Variants in MAP3K21 observed in about 807,000 individuals in gnomAD.
MAP3K21 encodes mitogen-activated protein kinase kinase kinase 21.
Under a neutral mutation model 86.1 loss-of-function variants are expected in MAP3K21, and 63 were observed. That is an observed-to-expected ratio of 0.73 (90% confidence interval 0.60 to 0.90). MAP3K21 has a LOEUF of 0.90. Among genes scored for constraint, MAP3K21 ranks in the 40% least tolerant of loss-of-function variants. MAP3K21 has a pLI of 0.00. For missense variants in MAP3K21, 1,220 were observed against 1,367.7 expected, an observed-to-expected ratio of 0.89 and a Z score of 1.70; for synonymous variants, 558 against 564.8, an observed-to-expected ratio of 0.99 and a Z score of 0.17.
At chr1:233,335,053 A>G (rs2102758168) in intron 1 of MAP3K21, among the ~76,000 whole-genome samples, 1 of 151,938 alleles carries the variant, frequency 6.6e-6, no homozygotes, top group South Asian at 2.1e-4. Context: ...AAATTGGAAA[A>G]TATTCTCTAG....
intron 4 of MAP3K21, among the ~76,000 whole-genome samples, chr1:233,360,321 C>CT (rs1365303505): frequency 6.6e-6 from 1 of 151,812 alleles, no homozygotes; most frequent in East Asian, 1.9e-4. Flanking sequence ...ACATTTTCCC[C>CT]TTTTTTTCAA....
At chr1:233,365,825 G>A (rs1663563457) in intron 5 of MAP3K21, among the ~76,000 whole-genome samples, 1 of 152,056 alleles carries the variant, frequency 6.6e-6, no homozygotes, top group Non-Finnish European at 1.5e-5. Flanking sequence ...TATGATCCAG[G>A]AATTCCACTA....
At chr1:233,343,986 C>T (rs1663086321) in intron 1 of MAP3K21, among the ~76,000 whole-genome samples, 2 of 152,172 alleles carry the variant, frequency 1.3e-5, no homozygotes, top group Non-Finnish European at 2.9e-5. Flanking sequence ...GCATTAGAGC[C>T]TCGTGGACAA....
Position 233,328,513 on chromosome 1 carries a change from C to A in MAP3K21, c.485C>A (p.Ala162Glu). The A allele has an allele frequency of 6.6e-7, 1 of 1,524,870 alleles. No homozygotes were observed. Among genetic ancestry groups the A allele is most frequent in the East Asian group, 2.7e-5 (1 of 37,458 alleles). 94.5% of individuals were successfully genotyped at this position (1,524,870 alleles called of 1,614,324 possible). A position where few individuals can be genotyped will look rare whatever the true frequency, so the allele number is the denominator to read the frequency against. Residue 162 changes from alanine (A) to glutamate (E), a missense_variant, in exon 1 of 10, where the codon GCG becomes GAG. Coordinates refer to ENST00000366624, the MANE Select transcript of MAP3K21 (RefSeq NM_032435.3). The surrounding 1 kb of genome is among the most constrained non-coding windows in gnomAD (Gnocchi z 8.7). ...AARQDPEQDA[A>E]AAAESVRREA... ...CGCCAGGACCCGGAGCAGGACGCGG[C>A]GGCGGCTGCCGAGAGCGTGCGGCGC...
intron 8 of MAP3K21, 99 bp downstream of exon 8, chr1:233,376,626 C>A: frequency 1.4e-6 from 1 of 716,776 alleles, no homozygotes; most frequent in Non-Finnish European, 2.3e-6. Context: ...ATTAAAGTAG[C>A]AGAGGGGAGA....
At chr1:233,377,183 A>G (rs1663814676) in intron 8 of MAP3K21, among the ~76,000 whole-genome samples, 2 of 152,224 alleles carry the variant, frequency 1.3e-5, no homozygotes, top group South Asian at 4.1e-4. Context: ...TAAATGAATC[A>G]TAATGATTTA....
At chr1:233,332,996 T>TTACAAC (rs59425482) in intron 1 of MAP3K21, among the ~76,000 whole-genome samples, 117,441 of 151,218 alleles carry the variant, frequency 0.78, 45,857 homozygotes, top group East Asian at 0.99. Flanking sequence ...ACAGTATTAT[T>TTACAAC]TACAACTACA....
At chr1:233,361,699 T>A (rs2102758417) in intron 4 of MAP3K21, among the ~76,000 whole-genome samples, 1 of 152,342 alleles carries the variant, frequency 6.6e-6, no homozygotes, top group South Asian at 2.1e-4. Flanking sequence ...ATATTTTATG[T>A]GTCAGGTGAG....
chr1:233,350,601 CTTCT>C (rs993789584), intron 2 of MAP3K21, among the ~76,000 whole-genome samples: 3 of 152,148 alleles, frequency 2.0e-5, no homozygotes, highest in Admixed American at 1.3e-4. Context: ...TCCTCCCTTC[CTTCT>C]AACAGTTACT....
Position 233,328,951 on chromosome 1 carries a change from A to G in MAP3K21, c.805+118A>G, listed in dbSNP as rs181351339. On this transcript the variant is annotated intron_variant, in intron 1 of 9. Coordinates refer to ENST00000366624, the MANE Select transcript of MAP3K21 (RefSeq NM_032435.3). The surrounding 1 kb of genome is among the most constrained non-coding windows in gnomAD (Gnocchi z 8.7). ...AGTCAGCCTTAGGGCGCCAGCAGCA[A>G]CTCATGCCCAGGCCTTCAGGGCTCG... is the stretch of plus-strand genomic sequence containing the variant. 3.5e-5 allele frequency: 37 copies of G among 1,045,372 alleles called. No individual in the cohort carries two copies. In the African/African-American group the frequency reaches 5.3e-4, roughly 15 times the overall value. 64.8% of individuals were successfully genotyped at this position (1,045,372 alleles called of 1,614,324 possible). A position where few individuals can be genotyped will look rare whatever the true frequency, so the allele number is the denominator to read the frequency against.
chr1:233,347,283 A>T (rs1202420272), intron 2 of MAP3K21, among the ~76,000 whole-genome samples: 1 of 152,170 alleles, frequency 6.6e-6, no homozygotes, highest in African/African-American at 2.4e-5. Context: ...ATTTAGACCT[A>T]TCCTTCATTT....
At position 233,379,638 on chromosome 1, in the gene MAP3K21, C is replaced by T. The variant is rs765676884; in HGVS notation, c.2632C>T (p.Pro878Ser). ...SFLQQTCGNV[P>S]YCASSKHRPS... Reference sequence around the variant, plus strand: ...CCTACAGCAGACATGTGGGAATGTACCTTACTGTGCTTCTTCAAAACATAG... The same window carrying T: ...CCTACAGCAGACATGTGGGAATGTATCTTACTGTGCTTCTTCAAAACATAG... Residue 878 changes from proline to serine, a missense_variant, in exon 9 of 10, where the codon CCT becomes TCT. Pro to Ser is a moderately conservative substitution (Grantham distance 74). Transcript: ENST00000366624. 44 of 1,613,838 alleles carry T rather than the reference C, an allele frequency of 2.7e-5. No homozygotes were observed. In the East Asian group the frequency reaches 9.4e-4, roughly 34 times the overall value.
intron 9 of MAP3K21, among the ~76,000 whole-genome samples, chr1:233,381,248 G>A (rs967193295): frequency 6.6e-6 from 1 of 152,152 alleles, no homozygotes; most frequent in Non-Finnish European, 1.5e-5. Flanking sequence ...AACATTTTGT[G>A]CCTCAGTTTC....
In MAP3K21 at chr1:233,384,720, T is replaced by C. The variant is rs1033564664; in HGVS notation, c.*2009T>C. On this transcript the variant is annotated 3_prime_UTR_variant, in exon 10 of 10. Coordinates refer to ENST00000366624, the MANE Select transcript of MAP3K21 (RefSeq NM_032435.3). Reference sequence around the variant, plus strand: ...GCATATTAGTAAATGTGTGTTTGCATGTGTGTGTTGGGGAGTGTATGTGAT... The same window carrying C: ...GCATATTAGTAAATGTGTGTTTGCACGTGTGTGTTGGGGAGTGTATGTGAT... 6.6e-6 allele frequency: 1 copy of C among 152,182 alleles called. No homozygotes were observed. The highest frequency in any genetic ancestry group is 6.5e-5 in the Admixed American group (1 of 15,274). The allele number at this position is 152,182 out of a possible 1,614,324, so 9.4% of individuals were successfully genotyped here.
intron 6 of MAP3K21, among the ~76,000 whole-genome samples, chr1:233,375,468 G>A (rs1007081327): frequency 5.3e-5 from 8 of 152,072 alleles, no homozygotes; most frequent in African/African-American, 1.9e-4. Flanking sequence ...AAATTGTGAC[G>A]ACTTATGAAA....
chr1:233,353,527 A>G (rs758091916), intron 2 of MAP3K21, among the ~76,000 whole-genome samples: 2 of 152,154 alleles, frequency 1.3e-5, no homozygotes, highest in African/African-American at 2.4e-5. Context: ...TGTTTAATTC[A>G]ATTGTGTACT....
intron 2 of MAP3K21, among the ~76,000 whole-genome samples, chr1:233,353,038 A>G (rs761721632): frequency 3.9e-5 from 6 of 152,158 alleles, no homozygotes; most frequent in Non-Finnish European, 5.9e-5. Context: ...CATGGTAAAC[A>G]TTCATGTAGA....
At chr1:233,369,166 C>T (rs576774057) in intron 5 of MAP3K21, among the ~76,000 whole-genome samples, 1 of 144,002 alleles carries the variant, frequency 6.9e-6, no homozygotes, top group Admixed American at 7.5e-5. Context: ...GGCTTCCTAA[C>T]GGAGTTCGAA....
chr1:233,373,058 T>A (rs1229962766), intron 6 of MAP3K21: 1 of 152,196 alleles, frequency 6.6e-6, no homozygotes, highest in Non-Finnish European at 1.5e-5. Flanking sequence ...CAGAGATTTC[T>A]TTTGCAAGTT....
Sources: gnomAD v4.1 joint callset for allele counts (sites outside exome capture counted in the v4.1 genomes callset) on GRCh38, gnomAD v4.1.1 for gene constraint, Gnocchi (gnomAD v3.1) non-coding constraint, MANE v1.5 for transcripts, NCBI Gene and HGNC (gene_info 2026-07-23, HGNC 2026-07-21) for gene names.